Variants in PDE1C observed in about 807,000 individuals in gnomAD.
The protein encoded by PDE1C is phosphodiesterase 1C.
Under a neutral mutation model 93.1 loss-of-function variants are expected in PDE1C, and 62 were observed. That is an observed-to-expected ratio of 0.67 (90% CI 0.54 to 0.82). The LOEUF is 0.82. PDE1C is among the 40% of genes least tolerant of loss of function. PDE1C has a pLI of 0.00. For missense variants in PDE1C, 742 were observed against 884.6 expected (o/e 0.84, Z 2.04); for synonymous variants, 325 against 310.1 (o/e 1.05, Z -0.50).
chr7:31,925,364 C>T (rs927147154), intron 2 of PDE1C, among the ~76,000 whole-genome samples: 3 of 152,092 alleles, frequency 2.0e-5, no homozygotes, highest in African/African-American at 7.2e-5. Flanking sequence ...TATTGATTGT[C>T]TGTCATATGT....
At chr7:32,005,710 C>A (rs1228501887) in intron 2 of PDE1C, among the ~76,000 whole-genome samples, 1 of 151,996 alleles carries the variant, frequency 6.6e-6, no homozygotes, top group African/African-American at 2.4e-5. Context: ...AGGAACCACA[C>A]CCAAATGGCT....
chr7:32,087,287 A>G (rs1797154363), intron 3 of PDE1C, among the ~76,000 whole-genome samples: 1 of 151,484 alleles, frequency 6.6e-6, no homozygotes, highest in Non-Finnish European at 1.5e-5. Context: ...AATGCAAATC[A>G]AAACCACAAT....
chr7:32,116,342 C>T (rs1310203198), intron 3 of PDE1C, among the ~76,000 whole-genome samples: 3 of 152,002 alleles, frequency 2.0e-5, no homozygotes, highest in Non-Finnish European at 4.4e-5. Flanking sequence ...CCAAAGGATG[C>T]TTCTAACTGT....
At chr7:31,842,208 T>A (rs970496120) in intron 9 of PDE1C, among the ~76,000 whole-genome samples, 1 of 152,164 alleles carries the variant, frequency 6.6e-6, no homozygotes, top group Non-Finnish European at 1.5e-5. Context: ...TTAGTTAATA[T>A]TTTACTGAGA....
chr7:32,214,330 A>T (rs1231475941), intron 1 of PDE1C, among the ~76,000 whole-genome samples: 1 of 152,094 alleles, frequency 6.6e-6, no homozygotes, highest in Non-Finnish European at 1.5e-5. Flanking sequence ...AGACTCAAGA[A>T]ATGCATCTCT....
intron 3 of PDE1C, among the ~76,000 whole-genome samples, chr7:32,088,537 T>C (rs1433044102): frequency 2.0e-5 from 3 of 152,246 alleles, no homozygotes; most frequent in East Asian, 1.9e-4. Flanking sequence ...GAGGCCCCAT[T>C]TGGCCGAGCT....
chr7:31,814,090 A>T (rs1787911126), intron 15 of PDE1C, among the ~76,000 whole-genome samples: 1 of 150,996 alleles, frequency 6.6e-6, no homozygotes. Context: ...GTACACACAC[A>T]CACACACACA....
chr7:31,879,781 G>A (rs988241812), intron 3 of PDE1C, among the ~76,000 whole-genome samples: 5 of 151,988 alleles, frequency 3.3e-5, no homozygotes, highest in African/African-American at 1.2e-4. Flanking sequence ...CTTGTTCATA[G>A]GTCAGACCAC....
intron 2 of PDE1C, among the ~76,000 whole-genome samples, chr7:32,039,138 G>C (rs1034657430): frequency 6.6e-6 from 1 of 152,018 alleles, no homozygotes; most frequent in Non-Finnish European, 1.5e-5. Context: ...GAAGGAATGG[G>C]GCTTCTGTTT....
At chr7:32,161,508 G>A (rs1311404166) in intron 3 of PDE1C, among the ~76,000 whole-genome samples, 1 of 152,104 alleles carries the variant, frequency 6.6e-6, no homozygotes, top group African/African-American at 2.4e-5. Context: ...CTGGAGACGA[G>A]AAGTGCATTT....
At chr7:31,758,940 G>T (rs371961485) in intron 17 of PDE1C, among the ~76,000 whole-genome samples, 1 of 152,142 alleles carries the variant, frequency 6.6e-6, no homozygotes, top group African/African-American at 2.4e-5. Context: ...CTCAGCCAAA[G>T]TATTACTGAA....
At chr7:32,052,194 G>A (rs915379278) in intron 1 of PDE1C, 1 of 428,198 alleles carries the variant, frequency 2.3e-6, no homozygotes, top group Non-Finnish European at 4.7e-6. Context: ...AGAAAGTCTA[G>A]AAGCAAATGT....
the PDE1C span, chr7:31,692,522 A>G: frequency 1.3e-6 from 2 of 1,593,932 alleles, no homozygotes; most frequent in Non-Finnish European, 1.7e-6. Context: ...GCAGCCACTT[A>G]GGTAAACAAA....
exon 3 of PDE1C, chr7:32,169,905 C>T: frequency 2.5e-6 from 4 of 1,612,638 alleles, no homozygotes; most frequent in Non-Finnish European, 3.4e-6. Flanking sequence ...CTTGACATTC[C>T]CTGTGAGCCC....
chr7:32,077,928 G>T (rs1034635737), intron 3 of PDE1C: 1 of 985,210 alleles, frequency 1.0e-6, no homozygotes, highest in Non-Finnish European at 1.2e-6. Context: ...CCCTCCGGCT[G>T]GTCTGCTCTC....
At chr7:32,307,217 G>A (rs553970908) in intron 1 of PDE1C, among the ~76,000 whole-genome samples, 1 of 152,242 alleles carries the variant, frequency 6.6e-6, no homozygotes, top group African/African-American at 2.4e-5. Flanking sequence ...AATATAGGTT[G>A]TGGGGAGCAG....
Position 31,944,308 on chromosome 7 carries a change from G to C in PDE1C, c.129-63448C>G, listed in dbSNP as rs567727120. Among the ~76,000 whole-genome samples the C allele has an allele frequency of 1.6e-4, 25 of 152,292 alleles. No individual in the cohort carries two copies. In the South Asian group the frequency reaches 2.9e-3, roughly 18 times the overall value. ...CTTAATAAATATACTGCATGTGGTT[G>C]AACACCCGCAATCCTGAGCACAGAA... On this transcript the variant is annotated intron_variant, in intron 2 of 17. Transcript: ENST00000396191.
At chr7:32,338,237 C>T (rs1488385612) in intron 1 of PDE1C, among the ~76,000 whole-genome samples, 1 of 152,064 alleles carries the variant, frequency 6.6e-6, no homozygotes, top group Non-Finnish European at 1.5e-5. Context: ...GGGTTATTAT[C>T]CAGACTATAT....
At chr7:31,677,621 A>G in the PDE1C span, among the ~76,000 whole-genome samples, 1 of 152,176 alleles carries the variant, frequency 6.6e-6, no homozygotes, top group African/African-American at 2.4e-5. Context: ...AAAACTCAAT[A>G]AACTATAAGA....
Sources: allele counts gnomAD v4.1 joint callset (sites outside exome capture counted in the v4.1 genomes callset), GRCh38; gene constraint gnomAD v4.1.1; transcripts MANE v1.5; gene names NCBI Gene and HGNC (gene_info 2026-07-23, HGNC 2026-07-21).